The following VIRMA variants were observed in gnomAD, a reference collection of about 807,000 sequenced individuals.
VIRMA encodes protein virilizer homolog.
VIRMA carries 65 observed loss-of-function variants against 182.4 expected under a neutral mutation model. The observed-to-expected ratio is 0.36, with a 90% CI of 0.29 to 0.44. VIRMA has a LOEUF of 0.44. VIRMA is among the 20% of genes least tolerant of loss of function. VIRMA has a pLI of 1.00. For missense variants in VIRMA, 1,752 were observed against 2,158.1 expected, an observed-to-expected ratio of 0.81 and a Z score of 3.73; for synonymous variants, 709 against 743.1, an observed-to-expected ratio of 0.95 and a Z score of 0.75.
chr8:94,517,751 A>G (rs1482889929), intron 10 of VIRMA, 37 bp downstream of exon 10: 1 of 1,463,634 alleles, frequency 6.8e-7, no homozygotes, highest in Non-Finnish European at 9.4e-7. Flanking sequence ...GTTCCTTCAC[A>G]TATTACAAAT....
intron 16 of VIRMA, among the ~76,000 whole-genome samples, chr8:94,500,253 G>T (rs1228515165): frequency 6.6e-6 from 1 of 152,000 alleles, no homozygotes; most frequent in South Asian, 2.1e-4. Flanking sequence ...TAAAAAATTT[G>T]CCAGGCGTAG....
rs746831624 is a variant in VIRMA, at chr8:94,529,149, ATCATCC to A, written c.795_800del (p.Glu265_Asp266del). The A allele has an allele frequency of 2.7e-5, 39 of 1,428,152 alleles. No homozygotes were observed. The highest frequency in any genetic ancestry group is 5.0e-5 in the Admixed American group (3 of 59,582). The allele number at this position is 1,428,152 out of a possible 1,614,324, so 88.5% of individuals were successfully genotyped here. On this transcript the variant is annotated inframe_deletion, in exon 7 of 24. Transcript: ENST00000297591. ...CAGGAATACTGTCTACTGTTCGTCGATCATCCTCATCCTCATCCTCTTCTTCCTCTA... is the reference window on the plus strand; with the variant it reads ...CAGGAATACTGTCTACTGTTCGTCGATCATCCTCATCCTCTTCTTCCTCTA...
chr8:94,511,003 A>AT (rs111858484), intron 13 of VIRMA, 182 bp downstream of exon 13: 332,259 of 1,381,440 alleles, frequency 0.24, 44,698 homozygotes, highest in East Asian at 0.49. Context: ...TTTATTTAAA[A>AT]TGTTACCCCC....
rs1477633294 is a variant in VIRMA at position 94,491,725 on chromosome 8, C to G, written c.4993G>C (p.Val1665Leu). ...DDFVAAESKE[V>L]VPQDGIPPPK... The stretch of plus-strand genomic sequence containing the variant: ...GGAGGTATTCCATCTTGAGGAACCA[C>G]TTCTTTACTTTCAGCAGCAACAAAG... The change falls in exon 22 of 24, where the codon GTG (valine) becomes CTG (leucine). Residue 1665 changes from valine to leucine, a missense_variant. Val to Leu is a conservative substitution (Grantham distance 32, BLOSUM62 1). Around this residue, in one of 11 missense-constraint regions of VIRMA, gnomAD observed 12 missense variants for 24.2 expected, o/e 0.50. Transcript: ENST00000297591. The G allele has an allele frequency of 6.2e-7, 1 of 1,614,138 alleles. No individual in the cohort carries two copies. Among genetic ancestry groups the G allele is most frequent in the Non-Finnish European group, 8.5e-7 (1 of 1,180,042 alleles).
intron 1 of VIRMA, chr8:94,547,146 T>C: frequency 2.7e-6 from 1 of 375,734 alleles, no homozygotes; most frequent in Non-Finnish European, 5.2e-6. Flanking sequence ...TTAGACTATG[T>C]GTTTAAAGAA....
At chr8:94,527,628 T>C (rs1815019735) in intron 7 of VIRMA, among the ~76,000 whole-genome samples, 1 of 152,160 alleles carries the variant, frequency 6.6e-6, no homozygotes, top group Non-Finnish European at 1.5e-5. Context: ...CTGTTCAGTT[T>C]TACAACTAAC....
At chr8:94,504,489 A>G (rs1207856276) in intron 16 of VIRMA, among the ~76,000 whole-genome samples, 1 of 152,130 alleles carries the variant, frequency 6.6e-6, no homozygotes, top group Non-Finnish European at 1.5e-5. Flanking sequence ...TATCCTGGTG[A>G]GCCTTACAGA....
chr8:94,522,142 T>C (rs925020571), intron 8 of VIRMA, among the ~76,000 whole-genome samples: 2 of 152,210 alleles, frequency 1.3e-5, no homozygotes, highest in African/African-American at 4.8e-5. Context: ...AAAATTTGCA[T>C]GCCAATTAGC....
Position 94,526,252 on chromosome 8 carries a change from C to A in VIRMA, c.1992G>T (p.Glu664Asp). Residue 664 changes from glutamate (E) to aspartate (D), a missense_variant, in exon 8 of 24, where the codon GAG becomes GAT. Glu to Asp is a conservative substitution (Grantham distance 45, BLOSUM62 2). Transcript: ENST00000297591. ...AGAGAACAGGGTATGGATCATCCCT[C>A]TCTGGAGGTCCAGTAATTCGTGCCA... ...PTMARITGPP[E>D]RDDPYPVLFR... 6.2e-7 allele frequency: 1 copy of A among 1,613,210 alleles called. No individual in the cohort carries two copies. Among genetic ancestry groups the A allele is most frequent in the Non-Finnish European group, 8.5e-7 (1 of 1,179,556 alleles).
intron 10 of VIRMA, among the ~76,000 whole-genome samples, chr8:94,515,255 C>CCTGGCCG (rs1563466623): frequency 6.6e-6 from 1 of 151,916 alleles, no homozygotes; most frequent in East Asian, 1.9e-4. Flanking sequence ...TGCCACCACA[C>CCTGGCCG]CTGGCCGATT....
chr8:94,510,251 A>G (rs1241719810), intron 14 of VIRMA, among the ~76,000 whole-genome samples, 166 bp downstream of exon 14: 1 of 152,220 alleles, frequency 6.6e-6, no homozygotes, highest in African/African-American at 2.4e-5. Context: ...TTAAAAGTCT[A>G]CAAGTATTCA....
At chr8:94,499,298 G>T in intron 17 of VIRMA, 76 bp downstream of exon 17, 3 of 1,066,424 alleles carry the variant, frequency 2.8e-6, no homozygotes, top group South Asian at 3.6e-5. Flanking sequence ...ATCGTACTTG[G>T]CCAAAGATTT....
chr8:94,499,231 C>T (rs1813888187), intron 17 of VIRMA, 143 bp downstream of exon 17: 5 of 501,912 alleles, frequency 1.0e-5, no homozygotes, highest in Non-Finnish European at 1.3e-5. Flanking sequence ...AAACTCCTGG[C>T]CCCAAGAGAT....
intron 16 of VIRMA, among the ~76,000 whole-genome samples, chr8:94,505,269 T>C (rs778570007): frequency 1.4e-4 from 21 of 152,172 alleles, no homozygotes; most frequent in Non-Finnish European, 2.6e-4. Flanking sequence ...TTTCAACCAA[T>C]GCTGCAAGAA....
chr8:94,553,181 G>A (rs192965223), intron 1 of VIRMA, among the ~76,000 whole-genome samples: 5 of 152,178 alleles, frequency 3.3e-5, no homozygotes, highest in Admixed American at 3.3e-4. Context: ...AGACACGGAG[G>A]GCCCAAGTTA....
At chr8:94,541,128 CTT>C (rs34039726) in intron 2 of VIRMA, among the ~76,000 whole-genome samples, 17 of 145,492 alleles carry the variant, frequency 1.2e-4, no homozygotes, top group Admixed American at 2.1e-4. Flanking sequence ...ATTGTTATTA[CTT>C]TTTTTTTTTT....
At chr8:94,514,722 A>G (rs1158561839) in intron 11 of VIRMA, 147 bp downstream of exon 11, 2 of 517,286 alleles carry the variant, frequency 3.9e-6, no homozygotes, top group Non-Finnish European at 3.5e-6. Context: ...CTATATGCAT[A>G]TACCAACCTG....
At chr8:94,510,878 C>T in intron 13 of VIRMA, 1 of 939,190 alleles carries the variant, frequency 1.1e-6, no homozygotes, top group Non-Finnish European at 1.5e-6. Flanking sequence ...GTGAAGCAAT[C>T]TAGTTATTGG....
intron 1 of VIRMA, among the ~76,000 whole-genome samples, chr8:94,550,290 A>ATTT (rs11356608): frequency 8.4e-5 from 12 of 143,090 alleles, no homozygotes; most frequent in African/African-American, 1.0e-4. Flanking sequence ...TCTCTGAACC[A>ATTT]TTTTTTTTTT....
Sources: allele counts gnomAD v4.1 joint callset (sites outside exome capture counted in the v4.1 genomes callset), GRCh38; gene constraint gnomAD v4.1.1; regional missense constraint gnomAD v4.1.1; transcripts MANE v1.5; gene names NCBI Gene and HGNC (gene_info 2026-07-23, HGNC 2026-07-21).